Variants in MDC1 observed in about 807,000 individuals in gnomAD.
MDC1 encodes mediator of DNA damage checkpoint protein 1.
Under a neutral mutation model 142.5 loss-of-function variants are expected in MDC1, and 81 were observed. The observed-to-expected ratio is 0.57, with a 90% CI of 0.47 to 0.68. The LOEUF is 0.68. Ranked by LOEUF, MDC1 falls within the 30% of genes least tolerant of loss-of-function variation. The pLI is 0.00. For missense variants in MDC1, 2,119 were observed against 2,547.9 expected, an observed-to-expected ratio of 0.83 and a Z score of 3.62; for synonymous variants, 797 against 968.4, an observed-to-expected ratio of 0.82 and a Z score of 3.29.
intron 7 of MDC1, 117 bp downstream of exon 7, chr6:30,711,295 T>G: frequency 1.1e-6 from 1 of 884,238 alleles, no homozygotes; most frequent in Non-Finnish European, 1.8e-6. Flanking sequence ...AGAAACCGCC[T>G]GGGAGGCGGA....
At position 30,705,601 on chromosome 6, in the gene MDC1, G is replaced by A; in HGVS notation, c.3582C>T (p.Ser1194=). ...SQVTRGRKSR[S]SVKTPETVVP... ...CAACTGTTTCAGGGGTCTTGACAGA[G>A]GATCTACTTTTTCTTCCCCTAGTAA... The change falls in exon 10 of 15, where the codon TCC becomes TCT. Residue 1194 remains serine (S), a synonymous_variant. Coordinates refer to ENST00000376406, the MANE Select transcript of MDC1 (RefSeq NM_014641.3). 1.2e-6 allele frequency: 2 copies of A among 1,606,758 alleles called. No homozygotes were observed. Among genetic ancestry groups the A allele is most frequent in the South Asian group, 1.1e-5 (1 of 89,582 alleles).
At position 30,704,554 on chromosome 6, in the gene MDC1, T is replaced by G. The variant is rs375339540; in HGVS notation, c.4629A>C (p.Thr1543=). The change falls in exon 10 of 15, where the codon ACA becomes ACC. Residue 1543 remains threonine (T), a synonymous_variant. Coordinates refer to ENST00000376406, the MANE Select transcript of MDC1 (RefSeq NM_014641.3). ...TGGGCTCAGGGGTGACAGGTTGGTC[T>G]GTGGAGGTGGAAGGCTGGAGCTCAG... ...AAPELQPSTS[T]DQPVTPEPTS... is the part of the protein sequence containing the mutation. 4 of 1,607,882 alleles carry G rather than the reference T, an allele frequency of 2.5e-6. No individual in the cohort carries two copies. The highest frequency in any genetic ancestry group is 1.3e-5 in the African/African-American group (1 of 74,174).
chr6:30,706,858 G>C (rs1461291441), intron 9 of MDC1, among the ~76,000 whole-genome samples: 3 of 151,850 alleles, frequency 2.0e-5, no homozygotes, highest in African/African-American at 7.3e-5. Context: ...CCAGCTACTT[G>C]GGAGGCTGCG....
At position 30,713,868 on chromosome 6, in the gene MDC1, G is replaced by T; in HGVS notation, c.452C>A (p.Pro151His). ...GGGTTGAGTTTCTCCCTGTACTCTG[G>T]GTGTCTCTTCTACTGTCAGAGGGCC... ...SRGPLTVEET[P>H]RVQGETQPQR... is the part of the protein sequence containing the mutation. Residue 151 changes from proline to histidine, a missense_variant, in exon 3 of 15, where the codon CCC becomes CAC. Coordinates refer to ENST00000376406, the MANE Select transcript of MDC1 (RefSeq NM_014641.3). This position sits in a 1 kb window ranked among gnomAD's most constrained non-coding sequence, Gnocchi z 4.9. 1 of 1,613,958 alleles carries T rather than the reference G, an allele frequency of 6.2e-7. No homozygotes were observed. Among genetic ancestry groups the T allele is most frequent in the Non-Finnish European group, 8.5e-7 (1 of 1,180,008 alleles).
intron 9 of MDC1, among the ~76,000 whole-genome samples, chr6:30,706,490 C>T (rs11963223): frequency 0.013 from 1,925 of 151,994 alleles, 26 homozygotes; most frequent in African/African-American, 0.044. Context: ...GGCGTGGTGG[C>T]GGGCGCCTGT....
intron 9 of MDC1, among the ~76,000 whole-genome samples, chr6:30,706,932 A>G (rs138346800): frequency 1.4e-3 from 206 of 152,258 alleles, no homozygotes; most frequent in African/African-American, 4.9e-3. Flanking sequence ...GCCACTGCAC[A>G]CTCCAGCCTG....
intron 7 of MDC1, among the ~76,000 whole-genome samples, chr6:30,710,817 T>G (rs947868760): frequency 4.0e-5 from 6 of 151,498 alleles, no homozygotes; most frequent in Non-Finnish European, 5.9e-5. Flanking sequence ...ACATTGGGGG[T>G]GGGGGTTGAG....
In MDC1 at chr6:30,700,620, C is replaced by T. The variant is rs753547014; in HGVS notation, c.6115G>A (p.Val2039Met). 1 of 1,612,880 alleles carries T rather than the reference C, an allele frequency of 6.2e-7. No homozygotes were observed. The highest frequency in any genetic ancestry group is 8.5e-7 in the Non-Finnish European group (1 of 1,179,950). Residue 2039 changes from valine to methionine, a missense_variant, in exon 15 of 15, where the codon GTG becomes ATG. Val to Met is a conservative substitution (Grantham distance 21). Transcript: ENST00000376406. ...GGGAAGTCCTGAGGGCATGTGATCA[C>T]AACTCTCTGAGGCTGGGGAAGACAG... is the stretch of plus-strand genomic sequence containing the variant. ...MPRSYKPQRV[V>M]ITCPQDFPHC...
Position 30,700,188 on chromosome 6 carries a change from T to C in MDC1, c.*277A>G. The C allele has an allele frequency of 3.0e-6, 1 of 335,440 alleles. No homozygotes were observed. Among genetic ancestry groups the C allele is most frequent in the Non-Finnish European group, 5.3e-6 (1 of 186,926 alleles). The allele number at this position is 335,440 out of a possible 1,614,324, so 20.8% of individuals were successfully genotyped here. A position where few individuals can be genotyped will look rare whatever the true frequency, so the allele number is the denominator to read the frequency against. ...AATTTTAAAATGGCCATTTAATACA[T>C]GCATGTAAGAAATCTTGTATCCCCT... On this transcript the variant is annotated 3_prime_UTR_variant, in exon 15 of 15. Transcript: ENST00000376406.
Position 30,709,378 on chromosome 6 carries a change from T to G in MDC1, c.2222-1021A>C, listed in dbSNP as rs1562112087. Among the ~76,000 whole-genome samples the G allele has an allele frequency of 6.6e-6, 1 of 152,224 alleles. No homozygotes were observed. Among genetic ancestry groups the G allele is most frequent in the Non-Finnish European group, 1.5e-5 (1 of 68,038 alleles). On this transcript the variant is annotated intron_variant, in intron 7 of 14. Transcript: ENST00000376406. This position sits in a 1 kb window ranked among gnomAD's most constrained non-coding sequence, Gnocchi z 4.2. ...ACTGTGTATATATACCACATTTTCT[T>G]TTTTCTTCATTGACACATAATAATT...
At position 30,716,010 on chromosome 6, in the gene MDC1, C is replaced by A. The variant is rs182517312; in HGVS notation, c.-3-832G>T. Among the ~76,000 whole-genome samples the A allele has an allele frequency of 6.6e-6, 1 of 152,084 alleles. No homozygotes were observed. Among genetic ancestry groups the A allele is most frequent in the Non-Finnish European group, 1.5e-5 (1 of 68,020 alleles). On this transcript the variant is annotated intron_variant, in intron 1 of 14. Transcript: ENST00000376406. This position sits in a 1 kb window ranked among gnomAD's most constrained non-coding sequence, Gnocchi z 4.4. ...ACAGAATAAAATCTAAACTCCTTAGCGAGACCCTCCATGATCTGAACTTCA... is the reference window on the plus strand; with the variant it reads ...ACAGAATAAAATCTAAACTCCTTAGAGAGACCCTCCATGATCTGAACTTCA...
rs1020885934 is a variant in MDC1 at position 30,715,710 on chromosome 6, G to A, written c.-3-532C>T. Among the ~76,000 whole-genome samples the A allele has an allele frequency of 4.6e-5, 7 of 152,074 alleles. No individual in the cohort carries two copies. Among genetic ancestry groups the A allele is most frequent in the African/African-American group, 1.7e-4 (7 of 41,422 alleles). On this transcript the variant is annotated intron_variant, in intron 1 of 14. Coordinates refer to ENST00000376406, the MANE Select transcript of MDC1 (RefSeq NM_014641.3). The surrounding 1 kb of genome is among the most constrained non-coding windows in gnomAD (Gnocchi z 4.1). ...CACCTCAGTTTGATCAGATGCAACT[G>A]CAAAAAATGATAATAAAAGATGACA...
In MDC1 at chr6:30,712,609, TTC is replaced by T; in HGVS notation, c.1331_1332del (p.Arg444GlnfsTer6). 1 of 1,612,976 alleles carries T rather than the reference TTC, an allele frequency of 6.2e-7. No homozygotes were observed. Among genetic ancestry groups the T allele is most frequent in the Non-Finnish European group, 8.5e-7 (1 of 1,179,968 alleles). On this transcript the variant is annotated frameshift_variant, in exon 5 of 15. Coordinates refer to ENST00000376406, the MANE Select transcript of MDC1 (RefSeq NM_014641.3). LOFTEE classifies it high-confidence loss of function. The surrounding 1 kb of genome is among the most constrained non-coding windows in gnomAD (Gnocchi z 4.7). ...CTGTCTCTCTCAGTGGTGGTTTGGC[TTC>T]GCTGCAGAAGGACCACACGTTGGGG... ...DMPQRVVLLQ[R>X]SQTTTERDSD...
intron 9 of MDC1, 128 bp downstream of exon 9, chr6:30,707,248 CCAATCAAG>C: frequency 1.1e-6 from 1 of 881,582 alleles, no homozygotes; most frequent in Non-Finnish European, 1.8e-6. Context: ...GGAATAGAAG[CCAATCAAG>C]GCGTGACAAA....
chr6:30,704,957 G>A lies in MDC1; in HGVS notation c.4226C>T (p.Pro1409Leu), dbSNP rs755710749. 1 of 1,607,034 alleles carries A rather than the reference G, an allele frequency of 6.2e-7. No individual in the cohort carries two copies. Among genetic ancestry groups the A allele is most frequent in the East Asian group, 2.3e-5 (1 of 44,372 alleles). ...GGAAGGCTCGAGCTTAGGGGCTGTG[G>A]GGACAAGTGTTTCAGGGGTCTTGCC... Reference protein sequence around the residue: ...SSGKTPETLVPTAPKLEPSTS... With the variant: ...SSGKTPETLVLTAPKLEPSTS... The change falls in exon 10 of 15, where the codon CCC (proline) becomes CTC (leucine). Residue 1409 changes from proline to leucine, a missense_variant. Coordinates refer to ENST00000376406, the MANE Select transcript of MDC1 (RefSeq NM_014641.3).
rs1450417119 is a variant in MDC1 at position 30,708,043 on chromosome 6, CA to C, written c.2535del (p.Asp845GlufsTer2). On this transcript the variant is annotated frameshift_variant, in exon 8 of 15. Transcript: ENST00000376406. LOFTEE classifies it high-confidence loss of function. ...TTGGTTAATTCTTCCTCTCCTGTCA[CA>C]TCTGTCTGTCTTTCTGGTAGCAGTT... ...TEKLLPERQTDVTGEEELTKG... is the reference protein window; with the variant it reads ...TEKLLPERQTXVTGEEELTKG... 1 of 1,613,108 alleles carries C rather than the reference CA, an allele frequency of 6.2e-7. No individual in the cohort carries two copies.
intron 7 of MDC1, 102 bp from the exon 8 acceptor site, chr6:30,708,459 AAGG>A (rs1190210671): frequency 3.6e-6 from 3 of 843,928 alleles, no homozygotes; most frequent in Non-Finnish European, 5.5e-6. Context: ...TATGATGAGA[AAGG>A]ATTTAGATAA....
Position 30,716,744 on chromosome 6 carries a change from G to C in MDC1, c.-4+501C>G, listed in dbSNP as rs1200005761. 1 of 191,088 alleles carries C rather than the reference G, an allele frequency of 5.2e-6. No homozygotes were observed. Among genetic ancestry groups the C allele is most frequent in the Non-Finnish European group, 9.6e-6 (1 of 103,890 alleles). The allele number at this position is 191,088 out of a possible 1,614,324, so 11.8% of individuals were successfully genotyped here. A position where few individuals can be genotyped will look rare whatever the true frequency, so the allele number is the denominator to read the frequency against. ...TCCATCATATTCATTCAATGGTTAT[G>C]GTATACCTGTTTGAAGTATTTGGTA... is the stretch of plus-strand genomic sequence containing the variant. On this transcript the variant is annotated intron_variant, in intron 1 of 14. Transcript: ENST00000376406. This position sits in a 1 kb window ranked among gnomAD's most constrained non-coding sequence, Gnocchi z 4.4.
Position 30,704,850 on chromosome 6 carries a change from G to C in MDC1, c.4333C>G (p.Pro1445Ala). The C allele has an allele frequency of 6.2e-7, 1 of 1,608,954 alleles. No individual in the cohort carries two copies. The highest frequency in any genetic ancestry group is 1.7e-4 in the Middle Eastern group (1 of 6,046). ...GGGGCTGTGGGGACAACTGTTTCAG[G>C]GGTCTTCACAGAGGACCTATTTGTC... is the stretch of plus-strand genomic sequence containing the variant. ...GRTNRSSVKT[P>A]ETVVPTAPEL... Residue 1445 changes from proline (P) to alanine (A), a missense_variant, in exon 10 of 15, where the codon CCT becomes GCT. Coordinates refer to ENST00000376406, the MANE Select transcript of MDC1 (RefSeq NM_014641.3).
Sources: gnomAD v4.1 joint callset for allele counts (sites outside exome capture counted in the v4.1 genomes callset) on GRCh38, gnomAD v4.1.1 for gene constraint, Gnocchi (gnomAD v3.1) non-coding constraint, MANE v1.5 for transcripts, NCBI Gene and HGNC (gene_info 2026-07-23, HGNC 2026-07-21) for gene names.